The following HFM1 variants were observed in gnomAD, a reference collection of about 807,000 sequenced individuals.
HFM1 encodes the protein helicase for meiosis 1.
A neutral mutation model predicts 192.1 loss-of-function variants in HFM1; 169 were observed. That is an observed-to-expected ratio of 0.88 (90% CI 0.78 to 1.00). HFM1 has a LOEUF of 1.00. Ranked by LOEUF, HFM1 falls within the 50% of genes least tolerant of loss-of-function variation. HFM1 has a pLI of 0.00. For synonymous variants in HFM1, 525 were observed against 537.8 expected (o/e 0.98, Z 0.33); for missense variants, 1,661 against 1,668.0 (o/e 1.00, Z 0.07).
chr1:91,338,612 C>A (rs1014552314), intron 20 of HFM1, among the ~76,000 whole-genome samples: 1 of 152,188 alleles, frequency 6.6e-6, no homozygotes, highest in Non-Finnish European at 1.5e-5. Flanking sequence ...CTGCAGCCTC[C>A]CCCAACCACT....
chr1:91,400,374 C>T (rs762390187), intron 2 of HFM1, among the ~76,000 whole-genome samples: 20 of 152,180 alleles, frequency 1.3e-4, no homozygotes, highest in Non-Finnish European at 1.2e-4. Flanking sequence ...GACGTCATTC[C>T]TTGTCCTGAG....
At position 91,375,371 on chromosome 1, in the gene HFM1, C is replaced by T; in HGVS notation, c.1672G>A (p.Glu558Lys). The change falls in exon 13 of 39, where the codon GAA becomes AAA. Residue 558 changes from glutamate (E) to lysine (K), a missense_variant. Coordinates refer to ENST00000370425, the MANE Select transcript of HFM1 (RefSeq NM_001017975.6). ...AAAATACTATACCTCTGTTTCTGTTCCACAGTCATAATAAATTTAGCATCT... is the reference window on the plus strand; with the variant it reads ...AAAATACTATACCTCTGTTTCTGTTTCACAGTCATAATAAATTTAGCATCT... The part of the protein sequence containing the change: ...VKDAKFIMTV[E>K]QKQRLQKYAY... The T allele has an allele frequency of 6.2e-7, 1 of 1,611,154 alleles. No homozygotes were observed. Among genetic ancestry groups the T allele is most frequent in the Non-Finnish European group, 8.5e-7 (1 of 1,177,858 alleles).
rs117297064 is a variant in HFM1 at position 91,313,250 on chromosome 1, A to G, written c.3391+99T>C. The G allele has an allele frequency of 1.0e-5, 6 of 600,682 alleles. No homozygotes were observed. In the East Asian group the frequency reaches 1.7e-4, roughly 17 times the overall value. 37.2% of individuals were successfully genotyped at this position (600,682 alleles called of 1,614,324 possible). A position where few individuals can be genotyped will look rare whatever the true frequency, so the allele number is the denominator to read the frequency against. ...ATGAAGCTTAAATATCTTATTCCAG[A>G]GTATCCTCAATCTGAGTGTTGCAGT... On this transcript the variant is annotated intron_variant, in intron 30 of 38. Coordinates refer to ENST00000370425, the MANE Select transcript of HFM1 (RefSeq NM_001017975.6).
At chr1:91,380,552 G>GAGAC (rs1661436096) in intron 7 of HFM1, among the ~76,000 whole-genome samples, 2 of 152,044 alleles carry the variant, frequency 1.3e-5, no homozygotes, top group South Asian at 4.1e-4. Context: ...TCAGGAGTTC[G>GAGAC]AGACCAGCCT....
chr1:91,306,625 T>C (rs1649652714), intron 30 of HFM1, among the ~76,000 whole-genome samples: 2 of 152,208 alleles, frequency 1.3e-5, no homozygotes, highest in South Asian at 2.1e-4. Flanking sequence ...TCTATGTTCA[T>C]GAGATATGTT....
intron 30 of HFM1, among the ~76,000 whole-genome samples, chr1:91,289,872 A>G (rs1359270654): frequency 3.3e-5 from 5 of 152,020 alleles, no homozygotes; most frequent in Non-Finnish European, 7.4e-5. Flanking sequence ...GGGAGACGAG[A>G]GGGAGAGGGA....
chr1:91,349,299 A>T (rs1656614251), intron 18 of HFM1, among the ~76,000 whole-genome samples: 1 of 131,760 alleles, frequency 7.6e-6, no homozygotes, highest in Non-Finnish European at 1.7e-5. Context: ...AAAAAAAAAA[A>T]TGCCCAGAAA....
intron 20 of HFM1, among the ~76,000 whole-genome samples, chr1:91,325,688 T>C (rs377741987): frequency 7.9e-5 from 12 of 152,068 alleles, no homozygotes; most frequent in African/African-American, 2.9e-4. Context: ...CTAGAATAAA[T>C]ACCTAGCTGC....
At chr1:91,326,831 G>A (rs904886794) in intron 20 of HFM1, among the ~76,000 whole-genome samples, 2 of 152,308 alleles carry the variant, frequency 1.3e-5, no homozygotes, top group South Asian at 4.1e-4. Context: ...ATAATAAGAT[G>A]TAAAGGGAAA....
chr1:91,374,101 G>C (rs922967562), intron 13 of HFM1, among the ~76,000 whole-genome samples: 1 of 152,148 alleles, frequency 6.6e-6, no homozygotes, highest in African/African-American at 2.4e-5. Flanking sequence ...TAGGAGTTAG[G>C]TGAAAACCAT....
chr1:91,364,632 A>ATATATATTTTTTTTTT (rs753472335), intron 13 of HFM1, among the ~76,000 whole-genome samples: 10 of 66,778 alleles, frequency 1.5e-4, no homozygotes, highest in African/African-American at 3.9e-4. Flanking sequence ...ATATATATAT[A>ATATATATTTTTTTTTT]TTTTTTTTTT....
chr1:91,334,602 G>A (rs533994827), intron 20 of HFM1, among the ~76,000 whole-genome samples: 1 of 152,068 alleles, frequency 6.6e-6, no homozygotes, highest in Admixed American at 6.6e-5. Flanking sequence ...GAGAAATGGG[G>A]GTAACTAACT....
intron 3 of HFM1, 87 bp downstream of exon 3, chr1:91,396,206 C>T (rs1470710612): frequency 2.0e-5 from 12 of 591,324 alleles, no homozygotes; most frequent in African/African-American, 1.3e-4. Context: ...GTATACACAA[C>T]GTGTAACAAT....
intron 21 of HFM1, 121 bp from the exon 22 acceptor site, chr1:91,323,320 AAC>A (rs1325536358): frequency 3.2e-6 from 2 of 632,378 alleles, no homozygotes; most frequent in Non-Finnish European, 5.4e-6. Flanking sequence ...CAATGAACAT[AAC>A]AGAGTTAAAA....
At chr1:91,376,512 C>T (rs1389278527) in intron 11 of HFM1, among the ~76,000 whole-genome samples, 1 of 151,588 alleles carries the variant, frequency 6.6e-6, no homozygotes, top group East Asian at 1.9e-4. Context: ...GTGTTTATCA[C>T]AAAGGGGAAA....
intron 4 of HFM1, among the ~76,000 whole-genome samples, chr1:91,392,266 T>C (rs542889455): frequency 0.017 from 2,519 of 151,890 alleles, 35 homozygotes; most frequent in Middle Eastern, 0.027. Flanking sequence ...CAAAGGATTA[T>C]AAATCATGCT....
chr1:91,375,845 C>A, intron 11 of HFM1, 118 bp from the exon 12 acceptor site: 1 of 721,434 alleles, frequency 1.4e-6, no homozygotes, highest in East Asian at 2.6e-5. Context: ...ATCAAGTATG[C>A]TGTCTTTTTC....
At chr1:91,269,992 GA>G (rs1666124471) in intron 34 of HFM1, among the ~76,000 whole-genome samples, 1 of 152,088 alleles carries the variant, frequency 6.6e-6, no homozygotes, top group Non-Finnish European at 1.5e-5. Flanking sequence ...ATATTAAGGA[GA>G]TTTTTTTGTT....
chr1:91,363,649 C>A (rs1326778765), intron 13 of HFM1, among the ~76,000 whole-genome samples: 2 of 152,068 alleles, frequency 1.3e-5, no homozygotes. Flanking sequence ...GACCTACAAC[C>A]AGAAATACCA....
Sources: allele counts gnomAD v4.1 joint callset (sites outside exome capture counted in the v4.1 genomes callset), GRCh38; gene constraint gnomAD v4.1.1; transcripts MANE v1.5; gene names NCBI Gene and HGNC (gene_info 2026-07-23, HGNC 2026-07-21).